Variants in PRKAA1 observed in about 807,000 individuals in gnomAD.
The protein encoded by PRKAA1 is 5'-AMP-activated protein kinase catalytic subunit alpha-1.
PRKAA1 carries 23 observed loss-of-function variants against 56.9 expected under a neutral mutation model. The observed-to-expected ratio is 0.40, with a 90% CI of 0.29 to 0.57. PRKAA1 has a LOEUF of 0.57. Among genes scored for constraint, PRKAA1 ranks in the 20% least tolerant of loss-of-function variants. The probability of loss-of-function intolerance (pLI) is 0.39; values close to 1 mark genes in which losing one functional copy is unlikely to be tolerated. For synonymous variants in PRKAA1, 226 were observed against 227.0 expected (o/e 1.00, Z 0.04); for missense variants, 413 against 679.7 (o/e 0.61, Z 4.36).
chr5:40,793,403 C>T (rs1744796270), intron 1 of PRKAA1, among the ~76,000 whole-genome samples: 1 of 152,128 alleles, frequency 6.6e-6, no homozygotes, highest in South Asian at 2.1e-4. Flanking sequence ...ACTAAGTAAC[C>T]AAACAAATTT....
Position 40,769,721 on chromosome 5 carries a change from T to G in PRKAA1, c.509-218A>C, listed in dbSNP as rs150770788. Among the ~76,000 whole-genome samples the G allele has an allele frequency of 8.3e-4, 127 of 152,254 alleles. 4 individuals carry two copies. The East Asian group carries it at 0.018, about 22-fold the overall frequency. ...TTAAAGTTAGTGCACTGTTAGAGTT[T>G]AATACAAATATATTAAGCTGTTGGT... On this transcript the variant is annotated intron_variant, in intron 4 of 8. Transcript: ENST00000397128.
At chr5:40,793,799 G>A (rs1392292012) in intron 1 of PRKAA1, among the ~76,000 whole-genome samples, 1 of 151,990 alleles carries the variant, frequency 6.6e-6, no homozygotes, top group Non-Finnish European at 1.5e-5. Flanking sequence ...CACTATCCAA[G>A]TACTTAGAAG....
At chr5:40,783,659 T>C (rs952560833) in intron 1 of PRKAA1, among the ~76,000 whole-genome samples, 2 of 152,024 alleles carry the variant, frequency 1.3e-5, no homozygotes, top group African/African-American at 4.8e-5. Context: ...CTTAGGAGGC[T>C]GAGGCAGGAG....
intron 6 of PRKAA1, among the ~76,000 whole-genome samples, chr5:40,765,470 G>C (rs1001026797): frequency 1.9e-4 from 29 of 152,162 alleles, no homozygotes; most frequent in African/African-American, 7.0e-4. Context: ...ACACAGCAAT[G>C]GGGGGAAAAA....
chr5:40,767,013 G>T (rs768950557), intron 6 of PRKAA1, among the ~76,000 whole-genome samples: 16 of 151,768 alleles, frequency 1.1e-4, no homozygotes, highest in Middle Eastern at 3.4e-3. Flanking sequence ...GCAAAACCTT[G>T]TCTCAAAAAA....
Position 40,765,088 on chromosome 5 carries a change from G to A in PRKAA1, c.972C>T (p.Asn324=). 2 of 1,614,180 alleles carry A rather than the reference G, an allele frequency of 1.2e-6. No homozygotes were observed. Among genetic ancestry groups the A allele is most frequent in the Non-Finnish European group, 1.7e-6 (2 of 1,180,020 alleles). Residue 324 remains asparagine (N), a synonymous_variant, in exon 7 of 9, where the codon AAC becomes AAT. Coordinates refer to ENST00000397128, the MANE Select transcript of PRKAA1 (RefSeq NM_006251.6). ...SEEEVLSCLY[N]RNHQDPLAVA... The stretch of plus-strand genomic sequence containing the variant: ...CTGCCAAAGGATCCTGGTGATTTCT[G>A]TTGTAAAGACAGCTGAGAACTTCCT...
At chr5:40,778,779 A>ATTTTT (rs70988808) in intron 1 of PRKAA1, among the ~76,000 whole-genome samples, 10 of 57,784 alleles carry the variant, frequency 1.7e-4, no homozygotes, top group Non-Finnish European at 1.8e-4. Context: ...CTGTTTTTTA[A>ATTTTT]TTTTTTTTTT....
At position 40,761,082 on chromosome 5, in the gene PRKAA1, A is replaced by T. The variant is rs574094026; in HGVS notation, c.*1696T>A. 3 of 152,356 alleles carry T rather than the reference A, an allele frequency of 2.0e-5. No individual in the cohort carries two copies. The highest frequency in any genetic ancestry group is 3.8e-4 in the East Asian group (2 of 5,302). 9.4% of individuals were successfully genotyped at this position (152,356 alleles called of 1,614,324 possible). Reference sequence around the variant, plus strand: ...GAAAATCCAGTATCTTTAAAAAGTAATTTAAGCCCAAAACAAATGTGACCA... The same window carrying T: ...GAAAATCCAGTATCTTTAAAAAGTATTTTAAGCCCAAAACAAATGTGACCA... On this transcript the variant is annotated 3_prime_UTR_variant, in exon 9 of 9. Coordinates refer to ENST00000397128, the MANE Select transcript of PRKAA1 (RefSeq NM_006251.6).
chr5:40,773,788 A>C (rs1743861374), intron 3 of PRKAA1, among the ~76,000 whole-genome samples: 1 of 152,224 alleles, frequency 6.6e-6, no homozygotes, highest in African/African-American at 2.4e-5. Flanking sequence ...GCTTGAAGTA[A>C]GAAGCTTTTA....
At position 40,774,923 on chromosome 5, in the gene PRKAA1, C is replaced by A. The variant is rs755016856; in HGVS notation, c.363+487G>T. On this transcript the variant is annotated intron_variant, in intron 3 of 8. Transcript: ENST00000397128. ...AGCTGTAAATTCTTTATATCTAATT[C>A]CTACCTCCTTCGTGGAGCCTGTTTT... 6.9e-6 allele frequency: 11 copies of A among 1,590,282 alleles called. No homozygotes were observed. Among genetic ancestry groups the A allele is most frequent in the Non-Finnish European group, 8.6e-6 (10 of 1,160,254 alleles).
chr5:40,764,820 G>C lies in PRKAA1; in HGVS notation c.1240C>G (p.Gln414Glu). ...KAKWHLGIRSQSRPNDIMAEV... is the reference protein window; with the variant it reads ...KAKWHLGIRSESRPNDIMAEV... ...GCCATAATATCATTTGGTCGACTTT[G>C]ACTTCTAATTCCTAAATGCCATTTT... Residue 414 changes from glutamine to glutamate, a missense_variant, in exon 7 of 9, where the codon CAA becomes GAA. By Grantham distance (29) the Gln-to-Glu change is conservative. Coordinates refer to ENST00000397128, the MANE Select transcript of PRKAA1 (RefSeq NM_006251.6). 6.2e-7 allele frequency: 1 copy of C among 1,613,952 alleles called. No individual in the cohort carries two copies. Among genetic ancestry groups the C allele is most frequent in the Non-Finnish European group, 8.5e-7 (1 of 1,179,888 alleles).
chr5:40,778,493 G>A (rs1473296834), intron 1 of PRKAA1, among the ~76,000 whole-genome samples: 5 of 152,072 alleles, frequency 3.3e-5, no homozygotes, highest in African/African-American at 7.2e-5. Context: ...ATACCTTTTC[G>A]TATTTTTAAA....
At chr5:40,792,112 G>C (rs1744741945) in intron 1 of PRKAA1, among the ~76,000 whole-genome samples, 1 of 152,144 alleles carries the variant, frequency 6.6e-6, no homozygotes, top group Non-Finnish European at 1.5e-5. Flanking sequence ...AACGTAACCA[G>C]TCTTGTGTGT....
rs1442601043 is a variant in PRKAA1 at position 40,797,959 on chromosome 5, T to C, written c.127+104A>G. ...ATCCGGGACAGGGGCTGCCCAGCCC[T>C]GGAAAGAAGGGACGCAGCGGGCGGG... On this transcript the variant is annotated intron_variant, in intron 1 of 8. Coordinates refer to ENST00000397128, the MANE Select transcript of PRKAA1 (RefSeq NM_006251.6). The C allele has an allele frequency of 1.1e-5, 16 of 1,446,770 alleles. No individual in the cohort carries two copies. The Admixed American group carries it at 3.1e-4, about 28-fold the overall frequency. The allele number at this position is 1,446,770 out of a possible 1,614,324, so 89.6% of individuals were successfully genotyped here. A position where few individuals can be genotyped will look rare whatever the true frequency, so the allele number is the denominator to read the frequency against.
At position 40,798,211 on chromosome 5, in the gene PRKAA1, GGGGGCGGGCA is replaced by G; in HGVS notation, c.-32_-23del. On this transcript the variant is annotated 5_prime_UTR_variant, in exon 1 of 9. Transcript: ENST00000397128. ...GCATGGCGCTGCGGGAGGGGGCGGA[GGGGGCGGGCA>G]GGGCCGCGCCGGGGGCGGGCGGGGA... 1.1e-6 allele frequency: 1 copy of G among 929,294 alleles called. No individual in the cohort carries two copies. Among genetic ancestry groups the G allele is most frequent in the Non-Finnish European group, 1.6e-6 (1 of 627,070 alleles). 57.6% of individuals were successfully genotyped at this position (929,294 alleles called of 1,614,324 possible). A position where few individuals can be genotyped will look rare whatever the true frequency, so the allele number is the denominator to read the frequency against.
At chr5:40,776,802 C>A (rs1744024173) in intron 2 of PRKAA1, among the ~76,000 whole-genome samples, 1 of 152,154 alleles carries the variant, frequency 6.6e-6, no homozygotes, top group African/African-American at 2.4e-5. Context: ...GTGAGGCTAA[C>A]TGACATCATG....
At position 40,761,983 on chromosome 5, in the gene PRKAA1, G is replaced by T. The variant is rs1159057895; in HGVS notation, c.*795C>A. 1 of 152,122 alleles carries T rather than the reference G, an allele frequency of 6.6e-6. No homozygotes were observed. The highest frequency in any genetic ancestry group is 2.4e-5 in the African/African-American group (1 of 41,426). The allele number at this position is 152,122 out of a possible 1,614,324, so 9.4% of individuals were successfully genotyped here. ...CATACACTACAGAATTTTAAAAGGGGGATATGGAGGCCGGGTGCGGTGGCT... is the reference window on the plus strand; with the variant it reads ...CATACACTACAGAATTTTAAAAGGGTGATATGGAGGCCGGGTGCGGTGGCT... On this transcript the variant is annotated 3_prime_UTR_variant, in exon 9 of 9. Coordinates refer to ENST00000397128, the MANE Select transcript of PRKAA1 (RefSeq NM_006251.6).
At chr5:40,774,303 C>CT (rs1051698058) in intron 3 of PRKAA1, among the ~76,000 whole-genome samples, 6 of 152,090 alleles carry the variant, frequency 3.9e-5, no homozygotes, top group Non-Finnish European at 5.9e-5. Flanking sequence ...CAGAGGAAGA[C>CT]TTTTTTTAAA....
At chr5:40,778,569 T>C (rs1198774389) in intron 1 of PRKAA1, among the ~76,000 whole-genome samples, 2 of 151,996 alleles carry the variant, frequency 1.3e-5, no homozygotes, top group African/African-American at 4.8e-5. Context: ...TTAGTATCAT[T>C]TATATGGATA....
Sources: allele counts gnomAD v4.1 joint callset (sites outside exome capture counted in the v4.1 genomes callset), GRCh38; gene constraint gnomAD v4.1.1; transcripts MANE v1.5; gene names NCBI Gene and HGNC (gene_info 2026-07-23, HGNC 2026-07-21).